The following CCDC66 variants were observed in gnomAD, a reference collection of about 807,000 sequenced individuals.
CCDC66 encodes coiled-coil domain containing 66.
CCDC66 carries 133 observed loss-of-function variants against 128.3 expected under a neutral mutation model. The observed-to-expected ratio is 1.04, with a 90% CI of 0.90 to 1.20. The LOEUF (loss-of-function observed/expected upper bound fraction) is 1.20, where lower values mean the gene tolerates loss of function less well. Ranked by LOEUF, CCDC66 falls within the 50% of genes most tolerant of loss-of-function variation. The pLI, the probability that CCDC66 is intolerant of heterozygous loss-of-function variation, is 0.00. For missense variants in CCDC66, 1,126 were observed against 1,075.5 expected, an observed-to-expected ratio of 1.05 and a Z score of -0.66; for synonymous variants, 387 against 357.0, an observed-to-expected ratio of 1.08 and a Z score of -0.95.
intron 7 of CCDC66, among the ~76,000 whole-genome samples, chr3:56,574,136 G>A (rs897758246): frequency 9.2e-5 from 14 of 151,570 alleles, no homozygotes; most frequent in African/African-American, 3.4e-4. Flanking sequence ...GGCCGAGGTG[G>A]GCGGATCACG....
At chr3:56,566,519 C>A in intron 4 of CCDC66, 75 bp from the exon 5 acceptor site, 2 of 903,096 alleles carry the variant, frequency 2.2e-6, no homozygotes, top group South Asian at 1.9e-5. Context: ...CATGTAAGAA[C>A]TGTATAGCAC....
At position 56,615,303 on chromosome 3, in the gene CCDC66, T is replaced by TTA. The variant is rs1187162776; in HGVS notation, c.1711+31_1711+32insTA. ...GGCCTAACCAGAACTTTATTTATAA[T>TTA]ATTTTTAGAAGATGATTTTAAATAA... On this transcript the variant is annotated intron_variant, in intron 12 of 17. Transcript: ENST00000394672. The TTA allele has an allele frequency of 3.8e-6, 6 of 1,561,128 alleles. No homozygotes were observed. In the African/African-American group the frequency reaches 6.9e-5, roughly 18 times the overall value.
At chr3:56,593,370 A>C (rs2071281124) in intron 8 of CCDC66, 121 bp from the exon 9 acceptor site, 2 of 1,115,124 alleles carry the variant, frequency 1.8e-6, no homozygotes, top group Non-Finnish European at 2.5e-6. Context: ...CAGTCTTGTT[A>C]ATTTTTATGA....
chr3:56,559,130 C>T (rs1210228663), intron 2 of CCDC66, among the ~76,000 whole-genome samples: 2 of 152,120 alleles, frequency 1.3e-5, no homozygotes, highest in Non-Finnish European at 2.9e-5. Context: ...ATTTAATGTT[C>T]CAGTATATTG....
intron 7 of CCDC66, among the ~76,000 whole-genome samples, chr3:56,576,792 G>T (rs1221522986): frequency 2.0e-5 from 3 of 151,414 alleles, no homozygotes; most frequent in East Asian, 4.0e-4. Flanking sequence ...AGTATTCCAT[G>T]GTGTATGTGT....
At chr3:56,582,749 A>G (rs2068621015) in intron 7 of CCDC66, among the ~76,000 whole-genome samples, 1 of 151,322 alleles carries the variant, frequency 6.6e-6, no homozygotes, top group African/African-American at 2.4e-5. Context: ...TGATGAGTAG[A>G]TACATAAACT....
At chr3:56,562,814 A>ATTT (rs573450400) in intron 3 of CCDC66, among the ~76,000 whole-genome samples, 9 of 138,008 alleles carry the variant, frequency 6.5e-5, no homozygotes, top group African/African-American at 1.3e-4. Context: ...AATTTTTTGT[A>ATTT]TTTTTTTTTT....
At chr3:56,591,008 G>A (rs1199817042) in intron 7 of CCDC66, among the ~76,000 whole-genome samples, 2 of 152,180 alleles carry the variant, frequency 1.3e-5, no homozygotes, top group Admixed American at 6.5e-5. Flanking sequence ...AATGCATGCA[G>A]TAAACCAAAA....
chr3:56,608,422 C>T (rs950655076), intron 10 of CCDC66, among the ~76,000 whole-genome samples: 4 of 152,068 alleles, frequency 2.6e-5, no homozygotes, highest in Non-Finnish European at 5.9e-5. Context: ...TAAAGGTGTT[C>T]ATAGTAGCCT....
intron 6 of CCDC66, among the ~76,000 whole-genome samples, chr3:56,569,157 C>G (rs866903178): frequency 4.6e-5 from 7 of 152,122 alleles, no homozygotes; most frequent in African/African-American, 1.7e-4. Flanking sequence ...GCTGGAGCAA[C>G]AGAGTGAGAC....
At chr3:56,599,510 T>C (rs575150483) in intron 10 of CCDC66, among the ~76,000 whole-genome samples, 2 of 152,224 alleles carry the variant, frequency 1.3e-5, no homozygotes, top group Admixed American at 1.3e-4. Flanking sequence ...GTTTCCACTT[T>C]TTTGATATAG....
intron 10 of CCDC66, among the ~76,000 whole-genome samples, chr3:56,606,368 C>T (rs935649469): frequency 1.6e-4 from 25 of 152,004 alleles, no homozygotes; most frequent in Admixed American, 3.9e-4. Context: ...CACAAACGGC[C>T]GCCCAGTTTT....
At chr3:56,615,475 A>G (rs1251683102) in intron 12 of CCDC66, 3 of 507,662 alleles carry the variant, frequency 5.9e-6, no homozygotes, top group African/African-American at 3.9e-5. Flanking sequence ...CTGCCTTCAG[A>G]TGACTCTCCC....
intron 7 of CCDC66, among the ~76,000 whole-genome samples, chr3:56,581,213 G>C (rs931918216): frequency 6.6e-6 from 1 of 151,772 alleles, no homozygotes; most frequent in African/African-American, 2.4e-5. Context: ...ACTGAAGCTT[G>C]TGCATTTGTC....
At chr3:56,588,096 G>T (rs2070144539) in intron 7 of CCDC66, among the ~76,000 whole-genome samples, 1 of 152,166 alleles carries the variant, frequency 6.6e-6, no homozygotes, top group African/African-American at 2.4e-5. Context: ...TATAGATATG[G>T]ATATATGATG....
intron 10 of CCDC66, among the ~76,000 whole-genome samples, chr3:56,594,691 AAAAG>A (rs943264866): frequency 6.6e-6 from 1 of 152,118 alleles, no homozygotes; most frequent in Non-Finnish European, 1.5e-5. Flanking sequence ...TCAAAAAAAA[AAAAG>A]AAATCTAATG....
At chr3:56,601,769 TTGTC>T (rs1458745803) in intron 10 of CCDC66, among the ~76,000 whole-genome samples, 5 of 151,832 alleles carry the variant, frequency 3.3e-5, no homozygotes, top group African/African-American at 1.2e-4. Context: ...ATTTGGCTGT[TTGTC>T]TGTTATTGGT....
intron 10 of CCDC66, among the ~76,000 whole-genome samples, chr3:56,609,610 A>G (rs2074521908): frequency 6.6e-6 from 1 of 152,148 alleles, no homozygotes; most frequent in Admixed American, 6.5e-5. Flanking sequence ...TGCATTCATC[A>G]TGCTGTTTGT....
chr3:56,611,552 A>T (rs1408049852), intron 10 of CCDC66, among the ~76,000 whole-genome samples: 1 of 146,050 alleles, frequency 6.8e-6, no homozygotes, highest in African/African-American at 2.5e-5. Flanking sequence ...TGCAAGCCCA[A>T]TTCATGCCCA....
Sources: gnomAD v4.1 joint callset for allele counts (sites outside exome capture counted in the v4.1 genomes callset) on GRCh38, gnomAD v4.1.1 for gene constraint, MANE v1.5 for transcripts, NCBI Gene and HGNC (gene_info 2026-07-23, HGNC 2026-07-21) for gene names.